The following ASTN2 variants were observed in gnomAD, a reference collection of about 807,000 sequenced individuals.
ASTN2 encodes the protein astrotactin-2.
A neutral mutation model predicts 139.8 loss-of-function variants in ASTN2; 54 were observed. That is an observed-to-expected ratio of 0.39 (90% CI 0.31 to 0.48). The LOEUF (loss-of-function observed/expected upper bound fraction) is 0.48. Among genes scored for constraint, ASTN2 ranks in the 20% least tolerant of loss-of-function variants. The pLI, the probability that ASTN2 is intolerant of heterozygous loss-of-function variation, is 0.95. For missense variants in ASTN2, 1,565 were observed against 1,725.1 expected (o/e 0.91, Z 1.64); for synonymous variants, 756 against 719.5 (o/e 1.05, Z -0.81).
chr9:116,869,492 T>C (rs371246919), intron 10 of ASTN2, among the ~76,000 whole-genome samples: 81 of 152,316 alleles, frequency 5.3e-4, no homozygotes, highest in Non-Finnish European at 6.8e-4. Flanking sequence ...TCATGTTTCA[T>C]TGTGGTCCTT....
intron 2 of ASTN2, among the ~76,000 whole-genome samples, chr9:117,244,833 G>T (rs1833331307): frequency 6.6e-6 from 1 of 151,994 alleles, no homozygotes; most frequent in African/African-American, 2.4e-5. Context: ...GCTGGCTTAG[G>T]TCCTTGAAGA....
At chr9:117,188,265 C>T (rs4838269) in intron 3 of ASTN2, among the ~76,000 whole-genome samples, 40,370 of 151,584 alleles carry the variant, frequency 0.27, 6,428 homozygotes, top group East Asian at 0.42. Context: ...ATCAATATGT[C>T]GAAATTAGTG....
chr9:116,866,600 AG>A (rs1204110731), intron 10 of ASTN2, among the ~76,000 whole-genome samples: 2 of 152,090 alleles, frequency 1.3e-5, no homozygotes, highest in African/African-American at 4.8e-5. Context: ...AGAAAGTAAG[AG>A]GAGGAGATAA....
rs562216793 is a variant in ASTN2, at chr9:117,376,092, C to G, written c.442+38405G>C. ...TAACCTAATCACATCTACAAAGTCT[C>G]TTTTTCCATATGGCATAGAATATTC... On this transcript the variant is annotated intron_variant, in intron 1 of 22. Coordinates refer to ENST00000313400, the MANE Select transcript of ASTN2 (RefSeq NM_001365068.1). Among the ~76,000 whole-genome samples, 3 of 152,260 alleles carry G rather than the reference C, an allele frequency of 2.0e-5. No individual in the cohort carries two copies. In the East Asian group the frequency reaches 5.8e-4, roughly 29 times the overall value.
At chr9:116,904,445 A>C (rs912056835) in intron 10 of ASTN2, among the ~76,000 whole-genome samples, 2 of 152,190 alleles carry the variant, frequency 1.3e-5, no homozygotes, top group African/African-American at 2.4e-5. Flanking sequence ...TTGTGGTTCA[A>C]GTCCTGTCCT....
intron 1 of ASTN2, among the ~76,000 whole-genome samples, chr9:117,292,629 C>T (rs1834622394): frequency 6.6e-6 from 1 of 152,062 alleles, no homozygotes. Context: ...AGAACCTTGA[C>T]CCCTCCCTCC....
At chr9:117,217,445 T>C (rs2133029393) in intron 2 of ASTN2, among the ~76,000 whole-genome samples, 1 of 152,312 alleles carries the variant, frequency 6.6e-6, no homozygotes, top group South Asian at 2.1e-4. Context: ...AGATGAGGCC[T>C]AACCAACCCA....
rs1161010841 is a variant in ASTN2, at chr9:116,426,021, C to T, written c.3850G>A (p.Ala1284Thr). 1 of 1,614,116 alleles carries T rather than the reference C, an allele frequency of 6.2e-7. No homozygotes were observed. The highest frequency in any genetic ancestry group is 2.2e-5 in the East Asian group (1 of 44,880). Reference protein sequence around the residue: ...SSHCSSLLRSAYIQSRVETVP... With the variant: ...SSHCSSLLRSTYIQSRVETVP... ...GTTTCCACGCGGCTCTGGATGTAGG[C>T]ACTCCGCAGGAGGCTGGAGCAGTGG... The change falls in exon 23 of 23, where the codon GCC (alanine) becomes ACC (threonine). Residue 1284 changes from alanine to threonine, a missense_variant. Physicochemically the swap from Ala to Thr is moderately conservative, Grantham distance 58. This residue lies in a region of ASTN2 where 418 missense variants were observed against 465.8 expected (regional missense o/e 0.90). Coordinates refer to ENST00000313400, the MANE Select transcript of ASTN2 (RefSeq NM_001365068.1).
intron 16 of ASTN2, among the ~76,000 whole-genome samples, chr9:116,662,123 A>C (rs1858598532): frequency 6.6e-6 from 1 of 152,068 alleles, no homozygotes. Context: ...AATTGAGTAC[A>C]AGTAGAGGAG....
In ASTN2 at chr9:117,038,531, T is replaced by C. The variant is rs191245152; in HGVS notation, c.1423+1288A>G. Among the ~76,000 whole-genome samples the C allele has an allele frequency of 2.2e-3, 341 of 152,308 alleles. 2 individuals carry two copies. The highest frequency in any genetic ancestry group is 7.0e-3 in the African/African-American group (293 of 41,574). On this transcript the variant is annotated intron_variant, in intron 6 of 22. Coordinates refer to ENST00000313400, the MANE Select transcript of ASTN2 (RefSeq NM_001365068.1). Reference sequence around the variant, plus strand: ...GACACTTTTAGAGGTGATGGCTACGTTTATGGCATTCCTTATGGTGATGAT... The same window carrying C: ...GACACTTTTAGAGGTGATGGCTACGCTTATGGCATTCCTTATGGTGATGAT...
chr9:117,167,271 CT>C (rs11397207), intron 3 of ASTN2, among the ~76,000 whole-genome samples: 106 of 151,814 alleles, frequency 7.0e-4, no homozygotes, highest in Admixed American at 1.6e-3. Flanking sequence ...ACACCAAAAC[CT>C]TTTTTTTCAA....
chr9:116,863,234 T>C (rs899419514), intron 11 of ASTN2, among the ~76,000 whole-genome samples: 36 of 152,196 alleles, frequency 2.4e-4, no homozygotes, highest in African/African-American at 8.4e-4. Flanking sequence ...TTACACCTCA[T>C]TGACATCCCG....
intron 1 of ASTN2, 35 bp from the exon 2 acceptor site, chr9:117,291,548 T>C: frequency 6.5e-7 from 1 of 1,548,610 alleles, no homozygotes; most frequent in Non-Finnish European, 8.7e-7. Context: ...GGGTGAGCCG[T>C]ACGCCTGGCC....
rs556267472 is a variant in ASTN2 at position 117,253,923 on chromosome 9, C to T, written c.630+37403G>A. 2.1e-4 allele frequency among the ~76,000 whole-genome samples: 32 copies of T among 152,270 alleles called. No homozygotes were observed. The South Asian group carries it at 2.3e-3, about 11-fold the overall frequency. ...CCACACACCCAGAGGTTCTTATCTG[C>T]ATGAAGTGCCAGCACCAGGAAGCCT... is the stretch of plus-strand genomic sequence containing the variant. On this transcript the variant is annotated intron_variant, in intron 2 of 22. Coordinates refer to ENST00000313400, the MANE Select transcript of ASTN2 (RefSeq NM_001365068.1).
intron 13 of ASTN2, among the ~76,000 whole-genome samples, chr9:116,795,594 C>T (rs535050866): frequency 6.6e-6 from 1 of 152,330 alleles, no homozygotes; most frequent in African/African-American, 2.4e-5. Flanking sequence ...CTGCCCCTAT[C>T]CTGGGCATTT....
At chr9:116,721,690 C>G (rs547395872) in intron 16 of ASTN2, among the ~76,000 whole-genome samples, 2 of 152,120 alleles carry the variant, frequency 1.3e-5, no homozygotes, top group African/African-American at 4.8e-5. Flanking sequence ...CCCAGTTCTT[C>G]CTGCATTAGA....
intron 2 of ASTN2, among the ~76,000 whole-genome samples, chr9:117,274,376 G>T (rs1437423519): frequency 2.6e-5 from 4 of 152,122 alleles, no homozygotes; most frequent in African/African-American, 9.7e-5. Context: ...GGTTGGAACA[G>T]GCCAGAAAAC....
intron 4 of ASTN2, among the ~76,000 whole-genome samples, chr9:117,130,742 T>TAC (rs763665797): frequency 6.6e-6 from 1 of 152,274 alleles, no homozygotes; most frequent in East Asian, 1.9e-4. Flanking sequence ...GCTTTTGCTA[T>TAC]ACACACACAC....
chr9:117,183,212 G>C (rs1043869941), intron 3 of ASTN2, among the ~76,000 whole-genome samples: 3 of 152,146 alleles, frequency 2.0e-5, no homozygotes, highest in Non-Finnish European at 4.4e-5. Context: ...TTTCTCATTA[G>C]AGGATAGCAT....
Sources: gnomAD v4.1 joint callset for allele counts (sites outside exome capture counted in the v4.1 genomes callset) on GRCh38, gnomAD v4.1.1 for gene constraint, gnomAD v4.1.1 regional missense constraint, MANE v1.5 for transcripts, NCBI Gene and HGNC (gene_info 2026-07-23, HGNC 2026-07-21) for gene names.